RGS6: variants seen among roughly 807,000 people sequenced by gnomAD.
The protein encoded by RGS6 is regulator of G protein signaling 6.
RGS6 carries 30 observed loss-of-function variants against 78.5 expected under a neutral mutation model. The observed-to-expected ratio is 0.38, with a 90% confidence interval of 0.29 to 0.52. The LOEUF is 0.52. RGS6 is among the 20% of genes least tolerant of loss of function. The pLI is 0.85. For missense variants in RGS6, 495 were observed against 609.7 expected, an observed-to-expected ratio of 0.81 and a Z score of 1.98; for synonymous variants, 206 against 206.0, an observed-to-expected ratio of 1.00 and a Z score of 0.00.
intron 2 of RGS6, among the ~76,000 whole-genome samples, chr14:72,268,962 CTCTT>C (rs1567623814): frequency 6.6e-6 from 1 of 152,164 alleles, no homozygotes; most frequent in East Asian, 1.9e-4. Context: ...CCTGATCTCT[CTCTT>C]TCTTCCGCCT....
At chr14:72,506,199 C>T (rs2096796680) in intron 13 of RGS6, among the ~76,000 whole-genome samples, 2 of 152,164 alleles carry the variant, frequency 1.3e-5, no homozygotes, top group South Asian at 2.1e-4. Context: ...TACAAAGACA[C>T]ATGAAATATG....
chr14:72,287,124 T>C (rs2062712691), intron 2 of RGS6, among the ~76,000 whole-genome samples: 1 of 152,222 alleles, frequency 6.6e-6, no homozygotes, highest in South Asian at 2.1e-4. Context: ...AGTTCAGTCT[T>C]AGTACAGGGA....
chr14:72,446,935 G>A (rs1389658669), intron 3 of RGS6, among the ~76,000 whole-genome samples: 1 of 152,048 alleles, frequency 6.6e-6, no homozygotes, highest in Non-Finnish European at 1.5e-5. Flanking sequence ...TACAGATGAA[G>A]CTTCACTTGC....
the RGS6 span, among the ~76,000 whole-genome samples, chr14:71,898,241 C>T: frequency 6.6e-6 from 1 of 152,136 alleles, no homozygotes. Context: ...TTCAGTCTAA[C>T]TGAAATTTAA....
chr14:71,925,489 C>T, the RGS6 span, among the ~76,000 whole-genome samples: 16 of 152,248 alleles, frequency 1.1e-4, no homozygotes, highest in Admixed American at 3.3e-4. Flanking sequence ...AGGCCAATGT[C>T]AAGGAGCTTT....
Position 72,367,040 on chromosome 14 carries a change from GA to G in RGS6, c.184+14847del, listed in dbSNP as rs574099239. 2.0e-3 allele frequency among the ~76,000 whole-genome samples: 311 copies of G among 152,290 alleles called. 3 individuals are homozygous for G. Among genetic ancestry groups the G allele is most frequent in the African/African-American group, 7.2e-3 (298 of 41,564 alleles). ...TCTCACTTATTCTTGCAGTCAGGAA[GA>G]TTGAGTACCAGAGACATGATGTAAT... On this transcript the variant is annotated intron_variant, in intron 3 of 17. Transcript: ENST00000553525.
intron 1 of RGS6, among the ~76,000 whole-genome samples, chr14:71,960,405 A>T (rs747954546): frequency 6.6e-6 from 1 of 152,146 alleles, no homozygotes; most frequent in Non-Finnish European, 1.5e-5. Context: ...AGTCTTCTTT[A>T]TTGGCCACTT....
intron 2 of RGS6, among the ~76,000 whole-genome samples, chr14:72,100,680 T>C (rs917412897): frequency 3.3e-5 from 5 of 152,174 alleles, no homozygotes; most frequent in African/African-American, 1.2e-4. Context: ...ACTCAGTAAA[T>C]ATTTGTTCCC....
chr14:72,305,400 C>T (rs2067013111), intron 2 of RGS6, among the ~76,000 whole-genome samples: 1 of 152,106 alleles, frequency 6.6e-6, no homozygotes, highest in Non-Finnish European at 1.5e-5. Context: ...CATTTTTTTA[C>T]AAATTGAAGG....
intron 2 of RGS6, among the ~76,000 whole-genome samples, chr14:72,075,490 A>G (rs2094543062): frequency 1.3e-5 from 2 of 152,146 alleles, no homozygotes; most frequent in African/African-American, 4.8e-5. Flanking sequence ...TGTCTTTCCC[A>G]TAATCTAGTC....
At chr14:72,443,754 A>G (rs986412498) in intron 3 of RGS6, among the ~76,000 whole-genome samples, 1 of 152,170 alleles carries the variant, frequency 6.6e-6, no homozygotes, top group Non-Finnish European at 1.5e-5. Context: ...CCCTCGAAAC[A>G]TCTGTCATGC....
At position 72,458,367 on chromosome 14, in the gene RGS6, A is replaced by G; in HGVS notation, c.332A>G (p.Tyr111Cys). 6.2e-7 allele frequency: 1 copy of G among 1,613,636 alleles called. No individual in the cohort carries two copies. The highest frequency in any genetic ancestry group is 8.5e-7 in the Non-Finnish European group (1 of 1,179,620). ...VLTMKDDGTF[Y>C]RFQAPYFWPS... ...ACCATGAAGGATGATGGCACCTTTT[A>G]TCGTTTCCAGGTAAGCCTGCTGGCT... The change falls in exon 5 of 18, where the codon TAT becomes TGT. Residue 111 changes from tyrosine to cysteine, a missense_variant. Transcript: ENST00000553525.
At chr14:71,900,510 T>G in the RGS6 span, among the ~76,000 whole-genome samples, 1 of 152,172 alleles carries the variant, frequency 6.6e-6, no homozygotes, top group Non-Finnish European at 1.5e-5. Flanking sequence ...ATTTTACTAC[T>G]TCAGAGCAGG....
chr14:71,998,103 A>T (rs2082730671), intron 2 of RGS6, among the ~76,000 whole-genome samples: 1 of 152,214 alleles, frequency 6.6e-6, no homozygotes, highest in Non-Finnish European at 1.5e-5. Context: ...GTATGTAAGA[A>T]GTACATTGGT....
At chr14:71,911,131 A>C in the RGS6 span, among the ~76,000 whole-genome samples, 2 of 152,198 alleles carry the variant, frequency 1.3e-5, no homozygotes, top group African/African-American at 4.8e-5. Flanking sequence ...AGTACATTTA[A>C]CTTATTAATA....
At chr14:72,148,370 C>A (rs1271471225) in intron 2 of RGS6, among the ~76,000 whole-genome samples, 1 of 152,108 alleles carries the variant, frequency 6.6e-6, no homozygotes. Context: ...TGCACTCCAG[C>A]CTGGGCAACA....
intron 2 of RGS6, among the ~76,000 whole-genome samples, chr14:72,213,473 G>A (rs2044691162): frequency 6.6e-6 from 1 of 152,130 alleles, no homozygotes. Context: ...ACCCCCCTGT[G>A]ATCAATCTGG....
chr14:72,627,462 T>C, the RGS6 span, among the ~76,000 whole-genome samples: 1 of 152,216 alleles, frequency 6.6e-6, no homozygotes, highest in East Asian at 1.9e-4. Flanking sequence ...TATTTCCATA[T>C]GTAGTTGGAT....
chr14:72,434,254 T>C (rs1397699731), intron 3 of RGS6, among the ~76,000 whole-genome samples: 1 of 152,212 alleles, frequency 6.6e-6, no homozygotes, highest in African/African-American at 2.4e-5. Context: ...GGAGGATCGC[T>C]TGACACCAGG....
Sources: gnomAD v4.1 joint callset for allele counts (sites outside exome capture counted in the v4.1 genomes callset) on GRCh38, gnomAD v4.1.1 for gene constraint, MANE v1.5 for transcripts, NCBI Gene and HGNC (gene_info 2026-07-23, HGNC 2026-07-21) for gene names.